FOXP1: variants seen among roughly 807,000 people sequenced by gnomAD.
FOXP1 encodes the protein forkhead box P1.
Under a neutral mutation model 98.2 loss-of-function variants are expected in FOXP1, and 15 were observed. The ratio of observed to expected loss-of-function variants is 0.15; its 90% CI spans 0.10 to 0.24. The LOEUF (loss-of-function observed/expected upper bound fraction) is 0.24. FOXP1 is among the 10% of genes least tolerant of loss of function. FOXP1 has a pLI of 1.00. For missense variants in FOXP1, 633 were observed against 848.5 expected (o/e 0.75, Z 3.15); for synonymous variants, 371 against 314.5 (o/e 1.18, Z -1.90).
At chr3:71,467,818 T>C (rs1007452785) in intron 3 of FOXP1, among the ~76,000 whole-genome samples, 1 of 152,128 alleles carries the variant, frequency 6.6e-6, no homozygotes, top group Non-Finnish European at 1.5e-5. Context: ...ATTCAGGAGG[T>C]CTGGAATAGG....
At chr3:71,487,424 T>A (rs2090739220) in intron 3 of FOXP1, among the ~76,000 whole-genome samples, 1 of 152,156 alleles carries the variant, frequency 6.6e-6, no homozygotes, top group Admixed American at 6.5e-5. Context: ...TTAGGGTAAG[T>A]ACTGGGTATA....
intron 5 of FOXP1, among the ~76,000 whole-genome samples, chr3:71,228,797 T>C (rs980677311): frequency 4.6e-5 from 7 of 152,142 alleles, no homozygotes; most frequent in East Asian, 3.9e-4. Context: ...ACAGAGAAAA[T>C]TGGCTGGCAG....
At chr3:71,016,908 C>T (rs1039199732) in intron 11 of FOXP1, among the ~76,000 whole-genome samples, 9 of 151,900 alleles carry the variant, frequency 5.9e-5, no homozygotes, top group South Asian at 4.2e-4. Flanking sequence ...AAGATCATTA[C>T]GTCTCCCTAT....
intron 11 of FOXP1, among the ~76,000 whole-genome samples, chr3:71,019,892 T>A (rs189853543): frequency 9.9e-5 from 15 of 152,212 alleles, no homozygotes; most frequent in African/African-American, 3.6e-4. Flanking sequence ...ACCACGGGCT[T>A]GATGAATGTT....
intron 6 of FOXP1, among the ~76,000 whole-genome samples, chr3:71,138,327 TTAA>T (rs2059916406): frequency 6.6e-6 from 1 of 152,210 alleles, no homozygotes; most frequent in Non-Finnish European, 1.5e-5. Flanking sequence ...TTGTTAGCTG[TTAA>T]TAATACATCA....
At chr3:71,478,528 G>A (rs569260952) in intron 3 of FOXP1, among the ~76,000 whole-genome samples, 1 of 152,218 alleles carries the variant, frequency 6.6e-6, no homozygotes, top group African/African-American at 2.4e-5. Context: ...GAGTGGCAAG[G>A]AGGTTGACTG....
At chr3:71,068,751 C>T (rs1020604688) in intron 7 of FOXP1, among the ~76,000 whole-genome samples, 10 of 152,088 alleles carry the variant, frequency 6.6e-5, no homozygotes, top group African/African-American at 4.8e-5. Flanking sequence ...ATTCCAATTC[C>T]GGAGAGAGAA....
intron 13 of FOXP1, among the ~76,000 whole-genome samples, chr3:70,989,515 G>A (rs1178341085): frequency 2.0e-5 from 3 of 152,080 alleles, no homozygotes. Context: ...AATGCTAAAG[G>A]AATTTAGTTT....
intron 7 of FOXP1, among the ~76,000 whole-genome samples, chr3:71,104,583 T>TG (rs1192060611): frequency 6.6e-6 from 1 of 152,178 alleles, no homozygotes; most frequent in Non-Finnish European, 1.5e-5. Flanking sequence ...TTTTTTCAGA[T>TG]GGTGTCAATA....
chr3:71,050,792 G>A (rs906109840), intron 9 of FOXP1, among the ~76,000 whole-genome samples: 1 of 152,182 alleles, frequency 6.6e-6, no homozygotes, highest in East Asian at 1.9e-4. Context: ...TGTGAAACAG[G>A]CCTGTCATGT....
At chr3:71,191,832 GT>G (rs2062997660) in intron 6 of FOXP1, among the ~76,000 whole-genome samples, 2 of 152,188 alleles carry the variant, frequency 1.3e-5, no homozygotes, top group Admixed American at 1.3e-4. Context: ...GTTTCAATTT[GT>G]TTGTACGGTT....
chr3:71,546,326 T>C lies in FOXP1; in HGVS notation c.-298+35223A>G, dbSNP rs1461028693. Among the ~76,000 whole-genome samples the C allele has an allele frequency of 2.6e-5, 4 of 152,150 alleles. No individual in the cohort carries two copies. The East Asian group carries it at 7.7e-4, about 29-fold the overall frequency. Reference sequence around the variant, plus strand: ...ATTCACGAAATACACCTGGCTAATCTTGTAAAGAATAAAGATTTGCTCATT... The same window carrying C: ...ATTCACGAAATACACCTGGCTAATCCTGTAAAGAATAAAGATTTGCTCATT... On this transcript the variant is annotated intron_variant, in intron 2 of 20. Transcript: ENST00000649528.
chr3:71,041,884 CAAAAT>C lies in FOXP1; in HGVS notation c.665-357_665-353del, dbSNP rs371249968. ...TTAGTTTTAGACACAAAGAAGGGCT[CAAAAT>C]AAATTTGTTCAACTATACTATTATG... On this transcript the variant is annotated intron_variant, in intron 10 of 20. Coordinates refer to ENST00000649528, the MANE Select transcript of FOXP1 (RefSeq NM_001349338.3). Among the ~76,000 whole-genome samples, 16 of 152,096 alleles carry C rather than the reference CAAAAT, an allele frequency of 1.1e-4. No individual in the cohort carries two copies. The South Asian group carries it at 3.3e-3, about 32-fold the overall frequency.
chr3:71,229,405 C>T (rs974683266), intron 5 of FOXP1, among the ~76,000 whole-genome samples: 1 of 152,116 alleles, frequency 6.6e-6, no homozygotes, highest in African/African-American at 2.4e-5. Flanking sequence ...CATTATAAAA[C>T]CAGATGAAAT....
chr3:71,327,214 C>A (rs1158879380), intron 4 of FOXP1, among the ~76,000 whole-genome samples: 2 of 151,150 alleles, frequency 1.3e-5, no homozygotes, highest in Non-Finnish European at 2.9e-5. Flanking sequence ...TCATTTGAGG[C>A]TGACTTTGAT....
At chr3:70,981,485 C>G (rs923324658) in intron 14 of FOXP1, among the ~76,000 whole-genome samples, 2 of 152,168 alleles carry the variant, frequency 1.3e-5, no homozygotes, top group East Asian at 1.9e-4. Flanking sequence ...TTAGGAGACG[C>G]GGATGGAGGT....
chr3:71,013,990 A>G (rs2044061764), intron 12 of FOXP1, among the ~76,000 whole-genome samples: 1 of 152,214 alleles, frequency 6.6e-6, no homozygotes, highest in Non-Finnish European at 1.5e-5. Flanking sequence ...ACCTTATACA[A>G]AAATTAATTC....
intron 3 of FOXP1, among the ~76,000 whole-genome samples, chr3:71,473,766 G>C (rs1280923690): frequency 6.6e-6 from 1 of 152,140 alleles, no homozygotes; most frequent in Non-Finnish European, 1.5e-5. Context: ...GAGCTGTGTG[G>C]GAGCATTTTT....
intron 3 of FOXP1, among the ~76,000 whole-genome samples, chr3:71,420,627 T>C (rs997522325): frequency 6.6e-6 from 1 of 152,174 alleles, no homozygotes; most frequent in Non-Finnish European, 1.5e-5. Flanking sequence ...CCTGCCCAAG[T>C]GGATCAGCAA....
Sources: allele counts gnomAD v4.1 joint callset (sites outside exome capture counted in the v4.1 genomes callset), GRCh38; gene constraint gnomAD v4.1.1; transcripts MANE v1.5; gene names NCBI Gene and HGNC (gene_info 2026-07-23, HGNC 2026-07-21).